PPP2R5C: variants seen among roughly 807,000 people sequenced by gnomAD.
PPP2R5C encodes the protein serine/threonine-protein phosphatase 2A 56 kDa regulatory subunit gamma isoform.
A neutral mutation model predicts 68.9 loss-of-function variants in PPP2R5C; 7 were observed. The observed-to-expected ratio is 0.10, with a 90% CI of 0.06 to 0.19. PPP2R5C has a LOEUF of 0.19. PPP2R5C is among the 10% of genes least tolerant of loss of function. The pLI, the probability that PPP2R5C is intolerant of heterozygous loss-of-function variation, is 1.00. For synonymous variants in PPP2R5C, 210 were observed against 222.2 expected (o/e 0.95, Z 0.49); for missense variants, 348 against 641.3 (o/e 0.54, Z 4.94).
chr14:101,885,792 C>T (rs547663506), intron 5 of PPP2R5C, among the ~76,000 whole-genome samples: 9 of 152,282 alleles, frequency 5.9e-5, no homozygotes, highest in Non-Finnish European at 1.0e-4. Flanking sequence ...TCCTTTTTAA[C>T]AAGATCATTA....
exon 7 of PPP2R5C, chr14:101,893,061 T>C: frequency 6.2e-7 from 1 of 1,612,634 alleles, no homozygotes; most frequent in South Asian, 1.1e-5. Flanking sequence ...ATTGAAGGTG[T>C]TACTACCTTT....
rs2046743526 is a variant in PPP2R5C at position 101,917,492 on chromosome 14, C to T, written c.1327-339C>T. Among the ~76,000 whole-genome samples, 1 of 152,160 alleles carries T rather than the reference C, an allele frequency of 6.6e-6. No homozygotes were observed. Among genetic ancestry groups the T allele is most frequent in the South Asian group, 2.1e-4 (1 of 4,830 alleles). ...GTTCCAGTGGTGAGACAGCTCCCAC[C>T]ACCGAGCCCAGGGTGCGACCTCGCA... On this transcript the variant is annotated intron_variant, in intron 12 of 13. Transcript: ENST00000334743. This position sits in a 1 kb window ranked among gnomAD's most constrained non-coding sequence, Gnocchi z 4.4.
At chr14:101,905,756 T>C (rs1413160016) in intron 9 of PPP2R5C, among the ~76,000 whole-genome samples, 8 of 152,000 alleles carry the variant, frequency 5.3e-5, no homozygotes, top group Admixed American at 4.6e-4. Flanking sequence ...GCCCTCCTAC[T>C]GTTCATGCCC....
chr14:101,765,546 C>A, intron 2 of PPP2R5C: 1 of 280,482 alleles, frequency 3.6e-6, no homozygotes, highest in Non-Finnish European at 6.7e-6. Flanking sequence ...ATAGGCTTGA[C>A]ATTCCCATGC....
In PPP2R5C at chr14:101,917,408, A is replaced by C. The variant is rs914267646; in HGVS notation, c.1327-423A>C. Among the ~76,000 whole-genome samples, 2 of 152,160 alleles carry C rather than the reference A, an allele frequency of 1.3e-5. No homozygotes were observed. Among genetic ancestry groups the C allele is most frequent in the African/African-American group, 4.8e-5 (2 of 41,432 alleles). On this transcript the variant is annotated intron_variant, in intron 12 of 13. Coordinates refer to ENST00000334743, the Ensembl canonical transcript of PPP2R5C. The surrounding 1 kb of genome is among the most constrained non-coding windows in gnomAD (Gnocchi z 4.4). ...TGAGAGGACATGATCGTGAGAGGAA[A>C]GGGAAAAGAATCATGAGGTTGGAGG...
intron 2 of PPP2R5C, among the ~76,000 whole-genome samples, chr14:101,772,343 C>A (rs1390239121): frequency 2.0e-5 from 3 of 151,968 alleles, no homozygotes; most frequent in Non-Finnish European, 4.4e-5. Context: ...ACACCTGATA[C>A]CCACACGAGA....
rs2040343136 is a variant in PPP2R5C at position 101,825,474 on chromosome 14, G to A, written c.94+15438G>A. Among the ~76,000 whole-genome samples, 1 of 152,122 alleles carries A rather than the reference G, an allele frequency of 6.6e-6. No individual in the cohort carries two copies. The highest frequency in any genetic ancestry group is 6.6e-5 in the Admixed American group (1 of 15,266). ...TAGCTTTCCTAGTCCTTATCGTAGA[G>A]TGCACGCTCCCAGCTTTTGCCCAGC... On this transcript the variant is annotated intron_variant, in intron 1 of 13. Coordinates refer to ENST00000334743, the Ensembl canonical transcript of PPP2R5C. The surrounding 1 kb of genome is among the most constrained non-coding windows in gnomAD (Gnocchi z 4.0).
intron 3 of PPP2R5C, among the ~76,000 whole-genome samples, chr14:101,798,407 AT>A (rs776941944): frequency 6.6e-6 from 1 of 152,210 alleles, no homozygotes; most frequent in Non-Finnish European, 1.5e-5. Flanking sequence ...AGTAGGATGT[AT>A]TTACAGGTAG....
intron 1 of PPP2R5C, chr14:101,836,102 A>T (rs1307271811): frequency 6.2e-6 from 4 of 640,184 alleles, no homozygotes; most frequent in Non-Finnish European, 5.6e-6. Flanking sequence ...GAAATTCCTC[A>T]ATCCACAAGC....
intron 13 of PPP2R5C, among the ~76,000 whole-genome samples, chr14:101,920,655 C>CTTAGTTAGA (rs1395979443): frequency 2.0e-5 from 3 of 152,168 alleles, no homozygotes; most frequent in African/African-American, 7.2e-5. Flanking sequence ...GTTGAGAAAG[C>CTTAGTTAGA]TAATTCTAAA....
At chr14:101,856,696 T>G (rs2042444476) in exon 2 of PPP2R5C, 1 of 1,613,952 alleles carries the variant, frequency 6.2e-7, no homozygotes, top group Non-Finnish European at 8.5e-7. Context: ...ATGTTCCTCC[T>G]GCTGATCAAG....
intron 2 of PPP2R5C, among the ~76,000 whole-genome samples, chr14:101,863,598 T>C (rs978766737): frequency 2.6e-5 from 4 of 152,104 alleles, no homozygotes; most frequent in African/African-American, 9.7e-5. Flanking sequence ...TTAGGCTTGT[T>C]AGAAATGCAG....
intron 1 of PPP2R5C, among the ~76,000 whole-genome samples, chr14:101,831,466 A>G (rs1395500853): frequency 6.6e-6 from 1 of 152,224 alleles, no homozygotes; most frequent in Non-Finnish European, 1.5e-5. Context: ...TTACGCTACT[A>G]ATGGGCCAGT....
rs1249752713 is a variant in PPP2R5C at position 101,781,744 on chromosome 14, G to A, written c.94-4274G>A. On this transcript the variant is annotated intron_variant, in intron 2 of 14. Transcript: ENST00000328724. The surrounding 1 kb of genome is among the most constrained non-coding windows in gnomAD (Gnocchi z 6.4). ...GCCACCCGGGGAAGAAGCGGAGGAC[G>A]CCGATCTGGCCTCCTGCGTTGCGCG... is the stretch of plus-strand genomic sequence containing the variant. 6.6e-6 allele frequency among the ~76,000 whole-genome samples: 1 copy of A among 151,992 alleles called. No homozygotes were observed. The highest frequency in any genetic ancestry group is 2.4e-5 in the African/African-American group (1 of 41,382).
At chr14:101,808,770 C>G (rs962468104), upstream of PPP2R5C, among the ~76,000 whole-genome samples, 6 of 152,256 alleles carry the variant, frequency 3.9e-5, no homozygotes, top group East Asian at 1.2e-3. Context: ...GACAAACTTC[C>G]TTGTTGGTGT....
intron 13 of PPP2R5C, among the ~76,000 whole-genome samples, chr14:101,919,523 T>C (rs2046893543): frequency 6.6e-6 from 1 of 152,234 alleles, no homozygotes; most frequent in South Asian, 2.1e-4. Context: ...ATTTTGATTT[T>C]GTGGCTTCAA....
chr14:101,796,569 C>G (rs1181389727), intron 3 of PPP2R5C: 1 of 153,438 alleles, frequency 6.5e-6, no homozygotes, highest in Admixed American at 6.5e-5. Context: ...CAGAGAGTTA[C>G]CACCAGGGCC....
intron 1 of PPP2R5C, among the ~76,000 whole-genome samples, chr14:101,826,064 A>G (rs909409564): frequency 1.3e-5 from 2 of 152,172 alleles, no homozygotes; most frequent in African/African-American, 4.8e-5. Context: ...TTTATCATAT[A>G]TATGTTTTGC....
chr14:101,813,900 G>C (rs137904397), intron 1 of PPP2R5C, among the ~76,000 whole-genome samples: 4 of 152,130 alleles, frequency 2.6e-5, no homozygotes, highest in Admixed American at 1.3e-4. Flanking sequence ...TACTTCCTGA[G>C]TCACCAATTT....
Sources: gnomAD v4.1 joint callset for allele counts (sites outside exome capture counted in the v4.1 genomes callset) on GRCh38, gnomAD v4.1.1 for gene constraint, Gnocchi (gnomAD v3.1) non-coding constraint, MANE v1.5 for transcripts, NCBI Gene and HGNC (gene_info 2026-07-23, HGNC 2026-07-21) for gene names.